Variants in ASIC2 observed in about 807,000 individuals in gnomAD.
The protein encoded by ASIC2 is acid sensing ion channel subunit 2, also known as acid-sensing ion channel 2.
In ASIC2, 25 loss-of-function variants were observed where a neutral mutation model predicts 57.3. The ratio of observed to expected loss-of-function variants is 0.44; its 90% confidence interval spans 0.32 to 0.61. ASIC2 has a LOEUF of 0.61. Ranked by LOEUF, ASIC2 falls within the 20% of genes least tolerant of loss-of-function variation. The pLI, the probability that ASIC2 is intolerant of heterozygous loss-of-function variation, is 0.06. For synonymous variants in ASIC2, 319 were observed against 307.5 expected (o/e 1.04, Z -0.39); for missense variants, 641 against 738.1 (o/e 0.87, Z 1.52).
intron 1 of ASIC2, among the ~76,000 whole-genome samples, chr17:33,288,853 G>GT (rs1405187870): frequency 6.6e-6 from 1 of 152,160 alleles, no homozygotes; most frequent in Non-Finnish European, 1.5e-5. Context: ...AGGGCACATG[G>GT]TAAGTGGTAG....
chr17:33,823,907 T>C (rs1267223125), intron 1 of ASIC2, among the ~76,000 whole-genome samples: 2 of 152,228 alleles, frequency 1.3e-5, no homozygotes, highest in Non-Finnish European at 1.5e-5. Context: ...GATAGTTATA[T>C]TCTATGGATG....
At chr17:33,745,679 C>T (rs1910239413) in intron 1 of ASIC2, among the ~76,000 whole-genome samples, 1 of 151,930 alleles carries the variant, frequency 6.6e-6, no homozygotes, top group Admixed American at 6.5e-5. Context: ...AATCTTTTAA[C>T]TGAGAATCTA....
At chr17:33,855,774 A>T (rs1913911206) in intron 1 of ASIC2, among the ~76,000 whole-genome samples, 1 of 152,100 alleles carries the variant, frequency 6.6e-6, no homozygotes, top group Admixed American at 6.5e-5. Flanking sequence ...AAGAGATGAA[A>T]GATTGGGATG....
chr17:33,920,741 C>T (rs1175328362), intron 1 of ASIC2, among the ~76,000 whole-genome samples: 1 of 152,082 alleles, frequency 6.6e-6, no homozygotes, highest in African/African-American at 2.4e-5. Flanking sequence ...TTTTAAAAAC[C>T]TTTGTTCTGG....
intron 1 of ASIC2, among the ~76,000 whole-genome samples, chr17:33,255,028 CTTTTTTTTTTTTT>C (rs1173076413): frequency 6.8e-5 from 5 of 73,994 alleles, no homozygotes; most frequent in African/African-American, 2.9e-4. Context: ...AGAAAGAAAT[CTTTTTTTTTTTTT>C]TTTTTTTTTT....
chr17:33,486,370 A>G (rs777483298), intron 1 of ASIC2, among the ~76,000 whole-genome samples: 10 of 152,200 alleles, frequency 6.6e-5, no homozygotes, highest in Non-Finnish European at 1.2e-4. Flanking sequence ...TTTTGAACCA[A>G]GGCAATCTGG....
At chr17:33,310,521 G>A (rs1182127491) in intron 1 of ASIC2, among the ~76,000 whole-genome samples, 1 of 152,194 alleles carries the variant, frequency 6.6e-6, no homozygotes, top group African/African-American at 2.4e-5. Context: ...GAGGACAAAG[G>A]TTAGGGACTG....
intron 1 of ASIC2, among the ~76,000 whole-genome samples, chr17:34,113,778 G>A (rs1046809791): frequency 1.3e-5 from 2 of 152,098 alleles, no homozygotes; most frequent in Non-Finnish European, 2.9e-5. Flanking sequence ...GGGAGACTGA[G>A]GCAGGAGAAT....
At chr17:34,031,139 G>A (rs1003071653) in intron 1 of ASIC2, among the ~76,000 whole-genome samples, 1 of 152,130 alleles carries the variant, frequency 6.6e-6, no homozygotes, top group African/African-American at 2.4e-5. Context: ...CAATTCACAT[G>A]GCCGGGTACT....
intron 1 of ASIC2, among the ~76,000 whole-genome samples, chr17:33,851,132 C>T (rs529548706): frequency 2.0e-5 from 3 of 152,336 alleles, no homozygotes; most frequent in East Asian, 3.9e-4. Context: ...TCAAAGTTCT[C>T]TTCCAGTTTA....
intron 1 of ASIC2, among the ~76,000 whole-genome samples, chr17:33,400,213 C>T (rs1456217332): frequency 6.6e-6 from 1 of 152,214 alleles, no homozygotes. Context: ...TGGGGGACAA[C>T]TGATTGGCTG....
At chr17:33,364,640 C>G (rs139757269) in intron 1 of ASIC2, among the ~76,000 whole-genome samples, 63 of 152,278 alleles carry the variant, frequency 4.1e-4, no homozygotes, top group African/African-American at 1.5e-3. Context: ...TCCTCTCTGC[C>G]TTCCACCATG....
intron 1 of ASIC2, among the ~76,000 whole-genome samples, chr17:33,589,113 A>G (rs1044960831): frequency 1.3e-5 from 2 of 152,322 alleles, no homozygotes; most frequent in African/African-American, 4.8e-5. Flanking sequence ...AGAATTATCA[A>G]ATTGTCACAG....
At chr17:33,062,974 A>G (rs1398635067) in intron 3 of ASIC2, among the ~76,000 whole-genome samples, 1 of 152,162 alleles carries the variant, frequency 6.6e-6, no homozygotes, top group Admixed American at 6.5e-5. Flanking sequence ...ATCAGTGACT[A>G]GGATTGCAAC....
intron 1 of ASIC2, among the ~76,000 whole-genome samples, chr17:33,776,363 G>C: frequency 6.6e-6 from 1 of 152,148 alleles, no homozygotes; most frequent in East Asian, 1.9e-4. Context: ...GGCAGCCTAT[G>C]AGCCAGGAAG....
intron 1 of ASIC2, among the ~76,000 whole-genome samples, chr17:33,831,412 T>C (rs1913106635): frequency 6.6e-6 from 1 of 152,116 alleles, no homozygotes; most frequent in East Asian, 1.9e-4. Flanking sequence ...TATCACTGAG[T>C]TCCTGCCTTG....
chr17:34,099,614 GAAAGAAAGAAAAAGAA>G (rs1460693449), intron 1 of ASIC2, among the ~76,000 whole-genome samples: 5 of 123,854 alleles, frequency 4.0e-5, no homozygotes, highest in African/African-American at 1.1e-4. Context: ...AGAGAAAGAG[GAAAGAAAGAAAAAGAA>G]AAAGAAAGAA....
chr17:33,090,877 A>T (rs2092154962), intron 2 of ASIC2, among the ~76,000 whole-genome samples: 1 of 152,186 alleles, frequency 6.6e-6, no homozygotes, highest in South Asian at 2.1e-4. Flanking sequence ...CATCATTTAG[A>T]CAAGGAGACC....
At chr17:33,102,723 C>A (rs2092216473) in intron 2 of ASIC2, among the ~76,000 whole-genome samples, 1 of 152,082 alleles carries the variant, frequency 6.6e-6, no homozygotes, top group South Asian at 2.1e-4. Context: ...CAGTTCCAAT[C>A]CTTCTATGGA....
Sources: gnomAD v4.1 joint callset for allele counts (sites outside exome capture counted in the v4.1 genomes callset) on GRCh38, gnomAD v4.1.1 for gene constraint, MANE v1.5 for transcripts, NCBI Gene and HGNC (gene_info 2026-07-23, HGNC 2026-07-21) for gene names.